SNX3: variants seen among roughly 807,000 people sequenced by gnomAD.
SNX3 encodes the protein sorting nexin 3.
A neutral mutation model predicts 17.7 loss-of-function variants in SNX3; 5 were observed. The observed-to-expected ratio is 0.28, with a 90% CI of 0.15 to 0.59. The LOEUF (loss-of-function observed/expected upper bound fraction) is 0.59. SNX3 is among the 20% of genes least tolerant of loss of function. The pLI, the probability that SNX3 is intolerant of heterozygous loss-of-function variation, is 0.88. For missense variants in SNX3, 132 were observed against 206.8 expected (o/e 0.64, Z 2.22); for synonymous variants, 91 against 76.5 (o/e 1.19, Z -0.99).
At chr6:108,236,378 ATTTTTT>A (rs1184591793) in intron 1 of SNX3, among the ~76,000 whole-genome samples, 25 of 133,430 alleles carry the variant, frequency 1.9e-4, no homozygotes, top group East Asian at 4.3e-4. Flanking sequence ...TATTATTATT[ATTTTTT>A]TTTTTTTTTT....
intron 1 of SNX3, among the ~76,000 whole-genome samples, chr6:108,253,298 G>A (rs1375365234): frequency 2.6e-5 from 4 of 152,040 alleles, no homozygotes; most frequent in Non-Finnish European, 5.9e-5. Context: ...GGCTGAGGTA[G>A]GAGGCTCACT....
intron 1 of SNX3, among the ~76,000 whole-genome samples, chr6:108,253,416 TTCTGGC>T: frequency 6.7e-6 from 1 of 149,830 alleles, no homozygotes; most frequent in African/African-American, 2.5e-5. Flanking sequence ...TTTTTTTTAC[TTCTGGC>T]TTACTTTCAT....
chr6:108,253,928 A>G lies in SNX3; in HGVS notation c.162+6832T>C, dbSNP rs145065760. Among the ~76,000 whole-genome samples the G allele has an allele frequency of 1.9e-3, 284 of 152,238 alleles. 2 individuals carry two copies. The highest frequency in any genetic ancestry group is 6.6e-3 in the African/African-American group (274 of 41,536). On this transcript the variant is annotated intron_variant, in intron 1 of 3. Coordinates refer to ENST00000230085, the MANE Select transcript of SNX3 (RefSeq NM_003795.6). The stretch of plus-strand genomic sequence containing the variant: ...ATCACGAGGTCAGGAGATGGAGACC[A>G]TCCTGGCTAACAAGGTGAAACACCA...
rs573284418 is a variant in SNX3 at position 108,257,955 on chromosome 6, T to C, written c.162+2805A>G. 1.8e-4 allele frequency among the ~76,000 whole-genome samples: 28 copies of C among 151,972 alleles called. No individual in the cohort carries two copies. In the South Asian group the frequency reaches 5.8e-3, roughly 32 times the overall value. ...CTCCAGCCTGGCGACAGAGCAAGGC[T>C]CTGTCTCAAAAAGAATAAAAATAAA... On this transcript the variant is annotated intron_variant, in intron 1 of 3. Coordinates refer to ENST00000230085, the MANE Select transcript of SNX3 (RefSeq NM_003795.6).
rs563345518 is a variant in SNX3, at chr6:108,247,820, G to A, written c.162+12940C>T. Among the ~76,000 whole-genome samples the A allele has an allele frequency of 9.9e-5, 15 of 152,158 alleles. No homozygotes were observed. In the East Asian group the frequency reaches 2.5e-3, roughly 26 times the overall value. ...TCGATGCTTAAAACAAATTATAGCC[G>A]GGTGTGGTGGCTCATGCCTGTAATC... is the stretch of plus-strand genomic sequence containing the variant. On this transcript the variant is annotated intron_variant, in intron 1 of 3. Coordinates refer to ENST00000230085, the MANE Select transcript of SNX3 (RefSeq NM_003795.6).
chr6:108,251,799 G>A (rs975469293), intron 1 of SNX3, among the ~76,000 whole-genome samples: 45 of 152,222 alleles, frequency 3.0e-4, no homozygotes, highest in African/African-American at 8.2e-4. Context: ...GGCCAGGCGC[G>A]GTGGCTCATG....
chr6:108,227,520 G>A (rs1775011316), intron 1 of SNX3, among the ~76,000 whole-genome samples: 1 of 152,104 alleles, frequency 6.6e-6, no homozygotes, highest in South Asian at 2.1e-4. Flanking sequence ...AAAGGGGAGG[G>A]GTGAGGGGGA....
At chr6:108,220,870 A>G (rs571283354) in intron 2 of SNX3, among the ~76,000 whole-genome samples, 2 of 151,588 alleles carry the variant, frequency 1.3e-5, no homozygotes, top group African/African-American at 4.8e-5. Context: ...AATCCCAGCT[A>G]CTCGGGAGGC....
chr6:108,222,504 CAG>C (rs1453257461), intron 2 of SNX3, among the ~76,000 whole-genome samples: 1 of 152,136 alleles, frequency 6.6e-6, no homozygotes, highest in African/African-American at 2.4e-5. Context: ...ACATATCACA[CAG>C]AGTGAGGTCA....
At chr6:108,244,093 CT>C (rs1775610190) in intron 1 of SNX3, among the ~76,000 whole-genome samples, 3 of 152,200 alleles carry the variant, frequency 2.0e-5, no homozygotes, top group Admixed American at 2.0e-4. Flanking sequence ...TAAAGAACTA[CT>C]TTTTTCCTTG....
intron 1 of SNX3, among the ~76,000 whole-genome samples, chr6:108,234,818 A>G (rs934818119): frequency 3.9e-5 from 6 of 152,210 alleles, no homozygotes; most frequent in Admixed American, 1.3e-4. Flanking sequence ...TTCTGGAACT[A>G]GAAAATCTGG....
At chr6:108,224,199 G>A (rs959378651) in intron 1 of SNX3, among the ~76,000 whole-genome samples, 1 of 152,090 alleles carries the variant, frequency 6.6e-6, no homozygotes, top group African/African-American at 2.4e-5. Context: ...AAACTCCTAG[G>A]CTCCAGCAAT....
At chr6:108,229,978 A>G (rs1775090677) in intron 1 of SNX3, among the ~76,000 whole-genome samples, 1 of 152,202 alleles carries the variant, frequency 6.6e-6, no homozygotes, top group Non-Finnish European at 1.5e-5. Context: ...GATGAGCTGC[A>G]TGTAGCATTA....
intron 1 of SNX3, among the ~76,000 whole-genome samples, chr6:108,239,706 G>A (rs904642355): frequency 1.3e-5 from 2 of 152,104 alleles, no homozygotes; most frequent in African/African-American, 4.8e-5. Flanking sequence ...TCTTACACAC[G>A]TTCAACTTCA....
chr6:108,219,295 C>T (rs1386486040), intron 2 of SNX3, among the ~76,000 whole-genome samples: 1 of 151,770 alleles, frequency 6.6e-6, no homozygotes, highest in African/African-American at 2.4e-5. Context: ...TCAAGCAAAG[C>T]CCAAAGCCTA....
chr6:108,260,815 G>C lies in SNX3; in HGVS notation c.107C>G (p.Pro36Arg), dbSNP rs1479110496. The C allele has an allele frequency of 6.2e-7, 1 of 1,613,938 alleles. No individual in the cohort carries two copies. Among genetic ancestry groups the C allele is most frequent in the Non-Finnish European group, 8.5e-7 (1 of 1,179,886 alleles). Residue 36 changes from proline to arginine, a missense_variant, in exon 1 of 4, where the codon CCG becomes CGG. Pro to Arg is a moderately radical substitution (Grantham distance 103, BLOSUM62 -2). Around this residue, in one of 2 missense-constraint regions of SNX3, gnomAD observed 78 missense variants for 88.8 expected, o/e 0.88. Transcript: ENST00000230085. ...GCCCCGGCCGACCCCCACCGTTTGC[G>C]GGTTGCTCACATCGATCTCGAGGAA... Reference protein sequence around the residue: ...SNFLEIDVSNPQTVGVGRGRF... With the variant: ...SNFLEIDVSNRQTVGVGRGRF...
At chr6:108,250,101 G>C (rs920218744) in intron 1 of SNX3, among the ~76,000 whole-genome samples, 2 of 152,118 alleles carry the variant, frequency 1.3e-5, no homozygotes, top group Admixed American at 6.5e-5. Context: ...AGTAGAGACA[G>C]GGTTTTGCCA....
intron 1 of SNX3, among the ~76,000 whole-genome samples, chr6:108,242,849 G>A (rs1005756905): frequency 4.6e-5 from 7 of 152,132 alleles, no homozygotes; most frequent in African/African-American, 1.7e-4. Flanking sequence ...GCCTTTAAGA[G>A]GAAGGCTACT....
In SNX3 at chr6:108,227,918, G is replaced by A. The variant is rs111324947; in HGVS notation, c.163-4873C>T. Among the ~76,000 whole-genome samples, 1,223 of 151,624 alleles carry A rather than the reference G, an allele frequency of 8.1e-3. 12 individuals carry two copies. The highest frequency in any genetic ancestry group is 0.014 in the Non-Finnish European group (941 of 67,938). ...TTTATTTAACTTTCATAAAATGATT[G>A]AAGGGCGGAGAGGTTTTTTACCTAC... On this transcript the variant is annotated intron_variant, in intron 1 of 3. Transcript: ENST00000230085.
Sources: allele counts gnomAD v4.1 joint callset (sites outside exome capture counted in the v4.1 genomes callset), GRCh38; gene constraint gnomAD v4.1.1; regional missense constraint gnomAD v4.1.1; transcripts MANE v1.5; gene names NCBI Gene and HGNC (gene_info 2026-07-23, HGNC 2026-07-21).